HECTD4: variants seen among roughly 807,000 people sequenced by gnomAD.
The protein encoded by HECTD4 is probable E3 ubiquitin-protein ligase HECTD4.
A neutral mutation model predicts 471.5 loss-of-function variants in HECTD4; 114 were observed. The observed-to-expected ratio is 0.24, with a 90% CI of 0.21 to 0.28. The LOEUF (loss-of-function observed/expected upper bound fraction) is 0.28, where lower values mean the gene tolerates loss of function less well. Ranked by LOEUF, HECTD4 falls within the 10% of genes least tolerant of loss-of-function variation. The pLI is 1.00. For synonymous variants in HECTD4, 2,012 were observed against 2,256.0 expected, an observed-to-expected ratio of 0.89 and a Z score of 3.07; for missense variants, 3,866 against 5,651.5, an observed-to-expected ratio of 0.68 and a Z score of 10.13.
At chr12:112,174,534 G>A (rs1047518696) in intron 66 of HECTD4, among the ~76,000 whole-genome samples, 4 of 152,122 alleles carry the variant, frequency 2.6e-5, no homozygotes, top group Admixed American at 2.0e-4. Flanking sequence ...GATTACAGGC[G>A]TGAGCCACCA....
chr12:112,262,886 G>A (rs537743705), intron 17 of HECTD4, among the ~76,000 whole-genome samples: 1 of 152,178 alleles, frequency 6.6e-6, no homozygotes, highest in South Asian at 2.1e-4. Context: ...CAAAGTGCTG[G>A]GATTACAGGT....
chr12:112,179,502 G>C lies in HECTD4; in HGVS notation c.10988-105C>G, dbSNP rs1593900535. The C allele has an allele frequency of 1.0e-6, 1 of 995,824 alleles. No homozygotes were observed. The allele number at this position is 995,824 out of a possible 1,614,324, so 61.7% of individuals were successfully genotyped here. On this transcript the variant is annotated intron_variant, in intron 62 of 75. Coordinates refer to ENST00000682272, the MANE Select transcript of HECTD4 (RefSeq NM_001388303.1). This position sits in a 1 kb window ranked among gnomAD's most constrained non-coding sequence, Gnocchi z 4.3. ...CACTGTTTGAAAGGGGCAGTGGATG[G>C]ACATTAGTGGAAGGAAGAGCTGCCC...
chr12:112,309,013 A>G, intron 5 of HECTD4, 122 bp from the exon 6 acceptor site: 1 of 999,914 alleles, frequency 1.0e-6, no homozygotes, highest in Non-Finnish European at 1.4e-6. Context: ...TATGTAAAAC[A>G]TCTGAAGGAA....
At chr12:112,333,154 T>C (rs554774845) in intron 1 of HECTD4, among the ~76,000 whole-genome samples, 67 of 152,360 alleles carry the variant, frequency 4.4e-4, no homozygotes, top group African/African-American at 1.6e-3. Context: ...CGAATAATGC[T>C]GCTATGAACA....
intron 1 of HECTD4, among the ~76,000 whole-genome samples, chr12:112,331,767 G>A (rs1180600110): frequency 6.6e-6 from 1 of 152,188 alleles, no homozygotes; most frequent in Non-Finnish European, 1.5e-5. Context: ...CGAGGTTTGA[G>A]TTAAACACAA....
chr12:112,354,024 A>G (rs1259224153), intron 1 of HECTD4, among the ~76,000 whole-genome samples: 2 of 152,076 alleles, frequency 1.3e-5, no homozygotes, highest in Admixed American at 1.3e-4. Context: ...TCTGGGTAAC[A>G]CAGCAAGAAC....
chr12:112,228,490 T>C lies in HECTD4; in HGVS notation c.6684+157A>G, dbSNP rs2033296529. On this transcript the variant is annotated intron_variant, in intron 42 of 75. Coordinates refer to ENST00000682272, the MANE Select transcript of HECTD4 (RefSeq NM_001388303.1). This position sits in a 1 kb window ranked among gnomAD's most constrained non-coding sequence, Gnocchi z 4.9. Reference sequence around the variant, plus strand: ...TAGATGAAAATTTTCACATAAGCATTACTATTAAATAACTATAACCAATAC... The same window carrying C: ...TAGATGAAAATTTTCACATAAGCATCACTATTAAATAACTATAACCAATAC... 1.3e-5 allele frequency among the ~76,000 whole-genome samples: 2 copies of C among 152,222 alleles called. No homozygotes were observed. The highest frequency in any genetic ancestry group is 2.9e-5 in the Non-Finnish European group (2 of 68,032).
chr12:112,282,340 G>A (rs1252031186), intron 8 of HECTD4, among the ~76,000 whole-genome samples: 5 of 151,972 alleles, frequency 3.3e-5, no homozygotes, highest in East Asian at 1.9e-4. Flanking sequence ...CTGAGATCGC[G>A]CCACTGCACT....
chr12:112,366,697 A>G (rs2036566833), intron 1 of HECTD4, among the ~76,000 whole-genome samples: 1 of 151,940 alleles, frequency 6.6e-6, no homozygotes, highest in Non-Finnish European at 1.5e-5. Context: ...CCTGGCCAAC[A>G]TGGTGAAACC....
At chr12:112,373,403 C>T (rs539433097) in intron 1 of HECTD4, among the ~76,000 whole-genome samples, 4 of 151,786 alleles carry the variant, frequency 2.6e-5, no homozygotes, top group African/African-American at 9.7e-5. Context: ...TGTGGTGGCA[C>T]GGGAGTTACT....
At chr12:112,295,196 CA>C (rs1412029560) in intron 7 of HECTD4, among the ~76,000 whole-genome samples, 1 of 151,370 alleles carries the variant, frequency 6.6e-6, no homozygotes, top group African/African-American at 2.4e-5. Flanking sequence ...ACATTCTAAG[CA>C]GGGGAGACGG....
chr12:112,303,250 G>A (rs1280238800), intron 7 of HECTD4, among the ~76,000 whole-genome samples: 2 of 152,074 alleles, frequency 1.3e-5, no homozygotes, highest in African/African-American at 4.8e-5. Flanking sequence ...GTAAACTCAC[G>A]GTCTACCACC....
intron 1 of HECTD4, among the ~76,000 whole-genome samples, chr12:112,376,048 G>T (rs2036771065): frequency 6.6e-6 from 1 of 151,850 alleles, no homozygotes; most frequent in Non-Finnish European, 1.5e-5. Flanking sequence ...TGCACCCTAG[G>T]TTGGGCAACA....
intron 1 of HECTD4, among the ~76,000 whole-genome samples, chr12:112,380,108 T>C (rs985764684): frequency 1.3e-5 from 2 of 152,118 alleles, no homozygotes; most frequent in African/African-American, 4.8e-5. Flanking sequence ...ATGACATATA[T>C]GTATAAATTT....
intron 1 of HECTD4, among the ~76,000 whole-genome samples, chr12:112,360,663 A>G (rs1330020228): frequency 6.6e-6 from 1 of 152,210 alleles, no homozygotes; most frequent in African/African-American, 2.4e-5. Flanking sequence ...ATCTCTAGCA[A>G]AAATAACCAA....
chr12:112,246,814 CA>C, intron 29 of HECTD4, 86 bp downstream of exon 29: 1 of 1,232,458 alleles, frequency 8.1e-7, no homozygotes, highest in Non-Finnish European at 1.1e-6. Context: ...GTGAATTTTT[CA>C]AAATATAGCT....
intron 11 of HECTD4, among the ~76,000 whole-genome samples, chr12:112,271,432 A>T (rs2034410692): frequency 6.6e-6 from 1 of 152,242 alleles, no homozygotes. Context: ...CAAAGTGATC[A>T]GTTTTTAATA....
intron 2 of HECTD4, among the ~76,000 whole-genome samples, chr12:112,316,645 G>A (rs7965261): frequency 0.15 from 23,552 of 152,072 alleles, 2,428 homozygotes; most frequent in African/African-American, 0.3. Context: ...CAAGATTCCT[G>A]TACATCAGAA....
chr12:112,259,751 GC>G (rs1455902838), intron 18 of HECTD4, among the ~76,000 whole-genome samples: 1 of 152,102 alleles, frequency 6.6e-6, no homozygotes, highest in Non-Finnish European at 1.5e-5. Context: ...ATTCTAAAAT[GC>G]CAATGGCTAC....
Sources: gnomAD v4.1 joint callset for allele counts (sites outside exome capture counted in the v4.1 genomes callset) on GRCh38, gnomAD v4.1.1 for gene constraint, Gnocchi (gnomAD v3.1) non-coding constraint, MANE v1.5 for transcripts, NCBI Gene and HGNC (gene_info 2026-07-23, HGNC 2026-07-21) for gene names.